Variants in TRPA1 observed in about 807,000 individuals in gnomAD.
TRPA1 encodes ankyrin-like with transmembrane domains 1.
TRPA1 carries 129 observed loss-of-function variants against 131.3 expected under a neutral mutation model. The ratio of observed to expected loss-of-function variants is 0.98; its 90% CI spans 0.85 to 1.14. TRPA1 has a LOEUF of 1.14. TRPA1 is among the 50% of genes most tolerant of loss of function. The pLI is 0.00. For synonymous variants in TRPA1, 441 were observed against 451.7 expected, an observed-to-expected ratio of 0.98 and a Z score of 0.30; for missense variants, 1,304 against 1,354.2, an observed-to-expected ratio of 0.96 and a Z score of 0.58.
At chr8:72,059,576 G>A in intron 7 of TRPA1, 138 bp from the exon 8 acceptor site, 1 of 571,542 alleles carries the variant, frequency 1.7e-6, no homozygotes, top group Non-Finnish European at 3.0e-6. Flanking sequence ...GAATTAGTAA[G>A]CTTTCAAAAT....
At chr8:72,038,751 C>T (rs1352793098) in intron 19 of TRPA1, 114 bp downstream of exon 19, 1 of 893,410 alleles carries the variant, frequency 1.1e-6, no homozygotes. Flanking sequence ...CAAATTCTTA[C>T]AGGCTATTTA....
In TRPA1 at chr8:72,034,332, C is replaced by T; in HGVS notation, c.2601G>A (p.Leu867=). The T allele has an allele frequency of 6.4e-7, 1 of 1,565,104 alleles. No homozygotes were observed. The highest frequency in any genetic ancestry group is 8.7e-7 in the Non-Finnish European group (1 of 1,146,798). ...CAACTGTAGACCTCAACAAAGTTTT[C>T]AAAATTACCTCCAACATAACAATAA... ...GIFIVMLEVI[L]KTLLRSTVVF... Residue 867 remains leucine, a synonymous_variant, in exon 22 of 27, where the codon TTG becomes TTA. Coordinates refer to ENST00000262209, the MANE Select transcript of TRPA1 (RefSeq NM_007332.3).
chr8:72,079,513 A>G (rs1340093828), upstream of TRPA1, among the ~76,000 whole-genome samples: 1 of 152,000 alleles, frequency 6.6e-6, no homozygotes, highest in Non-Finnish European at 1.5e-5. Flanking sequence ...TCAATTGACT[A>G]CAAATGTAAG....
intron 12 of TRPA1, 101 bp downstream of exon 12, chr8:72,055,335 A>G: frequency 3.2e-6 from 3 of 940,648 alleles, no homozygotes; most frequent in Non-Finnish European, 5.0e-6. Flanking sequence ...GTACTTAGTG[A>G]GATATAAAGT....
chr8:72,035,626 G>A (rs899768845), intron 21 of TRPA1, among the ~76,000 whole-genome samples: 10 of 152,164 alleles, frequency 6.6e-5, no homozygotes, highest in East Asian at 5.8e-4. Flanking sequence ...TCAGAGGCCC[G>A]GGAACTCAGG....
intron 1 of TRPA1, among the ~76,000 whole-genome samples, chr8:72,072,381 A>G (rs1806083084): frequency 6.6e-6 from 1 of 152,220 alleles, no homozygotes; most frequent in Non-Finnish European, 1.5e-5. Context: ...TATTCAGCAA[A>G]TGTCAGGTTG....
chr8:72,059,069 C>G (rs886374706), intron 8 of TRPA1, among the ~76,000 whole-genome samples: 1 of 152,222 alleles, frequency 6.6e-6, no homozygotes, highest in African/African-American at 2.4e-5. Context: ...GGGCACCGCC[C>G]AAGCTCACAC....
intron 7 of TRPA1, 90 bp downstream of exon 7, chr8:72,061,535 C>T: frequency 1.3e-6 from 2 of 1,493,116 alleles, no homozygotes; most frequent in Non-Finnish European, 1.9e-6. Context: ...AAAATCTTTG[C>T]TAGCATTAGT....
intron 15 of TRPA1, among the ~76,000 whole-genome samples, chr8:72,049,966 A>G (rs1486350285): frequency 6.6e-6 from 1 of 151,718 alleles, no homozygotes; most frequent in Non-Finnish European, 1.5e-5. Context: ...TTTTTTTACC[A>G]TACCTTAAGT....
In TRPA1 at chr8:72,053,753, C is replaced by T. The variant is rs1319351509; in HGVS notation, c.1644G>A (p.Gly548=). 6.2e-6 allele frequency: 10 copies of T among 1,609,502 alleles called. No homozygotes were observed. The highest frequency in any genetic ancestry group is 5.4e-5 in the African/African-American group (4 of 74,748). ...TAAGCATGAGGACCGCAGTACATAC[C>T]CCGTCTTCATCCAGGCGATCTGTGC... is the stretch of plus-strand genomic sequence containing the variant. ...LKCTDRLDED[G]NTALHFAARE... The change falls in exon 13 of 27, where the codon GGG becomes GGA. Residue 548 remains glycine (G), a splice_region_variant and synonymous_variant. Transcript: ENST00000262209.
intron 20 of TRPA1, 64 bp from the exon 21 acceptor site, chr8:72,036,521 A>G (rs1472736095): frequency 7.0e-7 from 1 of 1,438,370 alleles, no homozygotes; most frequent in African/African-American, 1.4e-5. Context: ...ATGGTTATAT[A>G]CATGCACCCC....
chr8:72,021,842 G>A lies in TRPA1; in HGVS notation c.*1064C>T, dbSNP rs904415577. ...AATGAGTAGAAAAAATAGGAAATAAGTGAGAATTATAAGAGAAATAAGAAG... is the reference window on the plus strand; with the variant it reads ...AATGAGTAGAAAAAATAGGAAATAAATGAGAATTATAAGAGAAATAAGAAG... On this transcript the variant is annotated 3_prime_UTR_variant, in exon 27 of 27. Coordinates refer to ENST00000262209, the MANE Select transcript of TRPA1 (RefSeq NM_007332.3). The A allele has an allele frequency of 1.3e-5, 2 of 152,114 alleles. No homozygotes were observed. The highest frequency in any genetic ancestry group is 4.8e-5 in the African/African-American group (2 of 41,434). The allele number at this position is 152,114 out of a possible 1,614,324, so 9.4% of individuals were successfully genotyped here.
chr8:72,053,277 C>CTT lies in TRPA1; in HGVS notation c.1644+474_1644+475dup, dbSNP rs34289154. ...CATTTTTAGTTTCTCCACTTAAAGACTTTTTTTTTTTGAAAAAGGCAACAA... is the reference window on the plus strand; with the variant it reads ...CATTTTTAGTTTCTCCACTTAAAGACTTTTTTTTTTTTTGAAAAAGGCAACAA... On this transcript the variant is annotated intron_variant, in intron 13 of 26. Coordinates refer to ENST00000262209, the MANE Select transcript of TRPA1 (RefSeq NM_007332.3). 241 of 184,204 alleles carry CTT rather than the reference C, an allele frequency of 1.3e-3. 1 individual carries two copies. Among genetic ancestry groups the CTT allele is most frequent in the Middle Eastern group, 5.0e-3 (2 of 402 alleles). The allele number at this position is 184,204 out of a possible 1,614,324, so 11.4% of individuals were successfully genotyped here.
intron 8 of TRPA1, among the ~76,000 whole-genome samples, chr8:72,059,137 A>G (rs1205849016): frequency 2.0e-5 from 3 of 152,212 alleles, no homozygotes; most frequent in East Asian, 3.8e-4. Context: ...GTACCTGCCA[A>G]CTTCCTGCAC....
the TRPA1 span, among the ~76,000 whole-genome samples, chr8:72,085,083 G>GT: frequency 0.038 from 5,832 of 152,172 alleles, 377 homozygotes; most frequent in African/African-American, 0.13. Context: ...TGAAAATGAT[G>GT]TTTTAAATTT....
upstream of TRPA1, among the ~76,000 whole-genome samples, chr8:72,076,257 T>C (rs1806183630): frequency 6.6e-6 from 1 of 152,182 alleles, no homozygotes; most frequent in African/African-American, 2.4e-5. Flanking sequence ...AAGCCACTGC[T>C]GACTGGTGCA....
rs562546907 is a variant in TRPA1 at position 72,036,157 on chromosome 8, C to T, written c.2555+131G>A. ...TCCAGCCTTTCCTTAATAGGGTATA[C>T]AAAAATTCTTCATATTTTGAAACAA... On this transcript the variant is annotated intron_variant, in intron 21 of 26. Transcript: ENST00000262209. The T allele has an allele frequency of 3.9e-4, 368 of 955,138 alleles. 6 individuals are homozygous for T. In the South Asian group the frequency reaches 4.1e-3, roughly 11 times the overall value. The allele number at this position is 955,138 out of a possible 1,614,324, so 59.2% of individuals were successfully genotyped here. A position where few individuals can be genotyped will look rare whatever the true frequency, so the allele number is the denominator to read the frequency against.
chr8:72,074,163 A>C (rs1160091902), intron 1 of TRPA1, among the ~76,000 whole-genome samples: 3 of 152,224 alleles, frequency 2.0e-5, no homozygotes, highest in Non-Finnish European at 4.4e-5. Context: ...ATCTAAACTC[A>C]CAGACATACT....
At chr8:72,040,061 A>C (rs1323269533) in intron 17 of TRPA1, among the ~76,000 whole-genome samples, 2 of 152,088 alleles carry the variant, frequency 1.3e-5, no homozygotes, top group Admixed American at 1.3e-4. Flanking sequence ...TTTTAATCTT[A>C]TACAGGATTA....
Sources: gnomAD v4.1 joint callset for allele counts (sites outside exome capture counted in the v4.1 genomes callset) on GRCh38, gnomAD v4.1.1 for gene constraint, MANE v1.5 for transcripts, NCBI Gene and HGNC (gene_info 2026-07-23, HGNC 2026-07-21) for gene names.